ELMO2: variants seen among roughly 807,000 people sequenced by gnomAD.
ELMO2 encodes the protein engulfment and cell motility 2.
Under a neutral mutation model 96.2 loss-of-function variants are expected in ELMO2, and 37 were observed. The ratio of observed to expected loss-of-function variants is 0.38; its 90% confidence interval spans 0.30 to 0.51. The LOEUF (loss-of-function observed/expected upper bound fraction) is 0.51, where lower values mean the gene tolerates loss of function less well. Among genes scored for constraint, ELMO2 ranks in the 20% least tolerant of loss-of-function variants. The pLI, the probability that ELMO2 is intolerant of heterozygous loss-of-function variation, is 0.88. For synonymous variants in ELMO2, 315 were observed against 329.4 expected (o/e 0.96, Z 0.47); for missense variants, 561 against 912.6 (o/e 0.61, Z 4.96).
At chr20:46,393,785 C>T (rs987905207) in intron 4 of ELMO2, among the ~76,000 whole-genome samples, 184 bp from the exon 5 acceptor site, 1 of 152,146 alleles carries the variant, frequency 6.6e-6, no homozygotes, top group African/African-American at 2.4e-5. Flanking sequence ...ATGAGCACCA[C>T]AATAGGAGGT....
rs1057105473 is a variant in ELMO2, at chr20:46,375,360, T to C, written c.941A>G (p.Asp314Gly). The C allele has an allele frequency of 1.9e-6, 3 of 1,613,974 alleles. No individual in the cohort carries two copies. The African/African-American group carries it at 4.0e-5, about 22-fold the overall frequency. Residue 314 changes from aspartate to glycine, a missense_variant, in exon 13 of 22, where the codon GAC becomes GGC. Asp to Gly is a moderately conservative substitution (Grantham distance 94). Transcript: ENST00000290246. The surrounding 1 kb of genome is among the most constrained non-coding windows in gnomAD (Gnocchi z 4.6). ...AATCCTCCTCAGTTCAAATATGATGTCCCTTTGAGCCTGCGAGGTGAAACA... is the reference window on the plus strand; with the variant it reads ...AATCCTCCTCAGTTCAAATATGATGCCCCTTTGAGCCTGCGAGGTGAAACA... ...KMDPNDQAQR[D>G]IIFELRRIAF...
chr20:46,368,835 CA>C lies in ELMO2; in HGVS notation c.1962+55del, dbSNP rs1326887019. ...TTCCTGTTTTGCTCATTCCTGCCAC[CA>C]ACTGAAGAGTTACAGAAATAGCTCT... is the stretch of plus-strand genomic sequence containing the variant. On this transcript the variant is annotated intron_variant, in intron 21 of 21. Transcript: ENST00000290246. 25 of 1,594,096 alleles carry C rather than the reference CA, an allele frequency of 1.6e-5. No individual in the cohort carries two copies. In the Admixed American group the frequency reaches 4.0e-4, roughly 26 times the overall value.
chr20:46,387,230 A>G, intron 8 of ELMO2, 108 bp downstream of exon 8: 1 of 856,812 alleles, frequency 1.2e-6, no homozygotes, highest in Admixed American at 2.7e-5. Context: ...GGCCCCAGGG[A>G]ATATAAAGCT....
At chr20:46,370,157 T>C (rs998118198) in intron 20 of ELMO2, 2 of 552,948 alleles carry the variant, frequency 3.6e-6, no homozygotes, top group African/African-American at 3.8e-5. Flanking sequence ...TTATACACTA[T>C]ACGATGTACA....
intron 11 of ELMO2, 88 bp downstream of exon 11, chr20:46,380,165 C>A: frequency 8.7e-7 from 1 of 1,148,376 alleles, no homozygotes; most frequent in East Asian, 2.6e-5. Flanking sequence ...CCTCCTCACT[C>A]ATTAATAATT....
chr20:46,401,810 C>G (rs2145861030), intron 1 of ELMO2, among the ~76,000 whole-genome samples: 1 of 152,332 alleles, frequency 6.6e-6, no homozygotes, highest in African/African-American at 2.4e-5. Flanking sequence ...CTAAGATAAT[C>G]ACTCTTCTAT....
chr20:46,400,777 C>T (rs2060322669), intron 1 of ELMO2, among the ~76,000 whole-genome samples: 1 of 152,186 alleles, frequency 6.6e-6, no homozygotes, highest in African/African-American at 2.4e-5. Context: ...TTAGTGTCTC[C>T]AATGGAGCAG....
chr20:46,372,055 C>A (rs189560449), intron 16 of ELMO2, 86 bp from the exon 17 acceptor site: 2 of 1,561,680 alleles, frequency 1.3e-6, no homozygotes, highest in African/African-American at 2.7e-5. Context: ...CTCTTTCCTG[C>A]CCCAGGGTCT....
chr20:46,398,649 A>G (rs1333675748), intron 2 of ELMO2, 48 bp downstream of exon 2: 2 of 152,228 alleles, frequency 1.3e-5, no homozygotes, highest in African/African-American at 4.8e-5. Context: ...TCACTTCTAT[A>G]TCATTATTAT....
intron 11 of ELMO2, among the ~76,000 whole-genome samples, chr20:46,378,480 A>G (rs1444757414): frequency 6.6e-6 from 1 of 152,212 alleles, no homozygotes; most frequent in Non-Finnish European, 1.5e-5. Context: ...ACACATGCAG[A>G]AGAGGGTGAC....
chr20:46,383,324 TG>T lies in ELMO2; in HGVS notation c.756+91del. The T allele has an allele frequency of 5.3e-6, 7 of 1,329,584 alleles. No individual in the cohort carries two copies. In the South Asian group the frequency reaches 8.2e-5, roughly 16 times the overall value. 82.4% of individuals were successfully genotyped at this position (1,329,584 alleles called of 1,614,324 possible). A position where few individuals can be genotyped will look rare whatever the true frequency, so the allele number is the denominator to read the frequency against. Reference sequence around the variant, plus strand: ...GAGGAAGAACTCTTGGGAAAATTGCTGGATTTGTGCTCTCTGCATAGCAAAG... The same window carrying T: ...GAGGAAGAACTCTTGGGAAAATTGCTGATTTGTGCTCTCTGCATAGCAAAG... On this transcript the variant is annotated intron_variant, in intron 10 of 21. Transcript: ENST00000290246.
intron 15 of ELMO2, 95 bp downstream of exon 15, chr20:46,374,237 C>T (rs1008924458): frequency 3.1e-5 from 31 of 1,015,398 alleles, no homozygotes; most frequent in South Asian, 1.1e-4. Flanking sequence ...CCACCACGCC[C>T]GACCCCACTG....
At chr20:46,369,176 C>T (rs2059644095) in intron 20 of ELMO2, 7 of 512,846 alleles carry the variant, frequency 1.4e-5, no homozygotes, top group Non-Finnish European at 2.4e-5. Context: ...GCCCAAGTCA[C>T]ATCAAAGATG....
At chr20:46,376,580 C>T (rs754244297) in intron 11 of ELMO2, 285 of 1,263,494 alleles carry the variant, frequency 2.3e-4, no homozygotes, top group Non-Finnish European at 2.8e-4. Flanking sequence ...ATGTCTCCCT[C>T]GGTCTGTCCT....
Position 46,386,326 on chromosome 20 carries a change from T to C in ELMO2, c.526-51A>G, listed in dbSNP as rs375411685. 1.4e-5 allele frequency: 22 copies of C among 1,599,100 alleles called. No individual in the cohort carries two copies. The South Asian group carries it at 2.2e-4, about 16-fold the overall frequency. ...TGAGAAGCTCAGGGCCCAAGAAAGATAGAAGCTTAGCATCTGATGCTAGCC... is the reference window on the plus strand; with the variant it reads ...TGAGAAGCTCAGGGCCCAAGAAAGACAGAAGCTTAGCATCTGATGCTAGCC... On this transcript the variant is annotated intron_variant, in intron 8 of 21. Coordinates refer to ENST00000290246, the MANE Select transcript of ELMO2 (RefSeq NM_133171.5).
chr20:46,371,773 TC>T lies in ELMO2; in HGVS notation c.1580+32del. ...AAGGAAAGCAGAGCTGGCAGCCACC[TC>T]CCCCGCCAGCCTCCCCTGAGATGGA... On this transcript the variant is annotated intron_variant, in intron 17 of 21. Coordinates refer to ENST00000290246, the MANE Select transcript of ELMO2 (RefSeq NM_133171.5). The surrounding 1 kb of genome is among the most constrained non-coding windows in gnomAD (Gnocchi z 5.9). 6.2e-7 allele frequency: 1 copy of T among 1,613,528 alleles called. No individual in the cohort carries two copies. Among genetic ancestry groups the T allele is most frequent in the Non-Finnish European group, 8.5e-7 (1 of 1,179,664 alleles).
At chr20:46,367,589 A>G (rs754817187) in intron 21 of ELMO2, 29 bp from the exon 22 acceptor site, 3 of 1,568,610 alleles carry the variant, frequency 1.9e-6, no homozygotes, top group East Asian at 2.3e-5. Flanking sequence ...AAAATGTCAC[A>G]TCGTGACCCC....
chr20:46,404,500 A>G (rs953381712), intron 1 of ELMO2, among the ~76,000 whole-genome samples: 1 of 151,956 alleles, frequency 6.6e-6, no homozygotes, highest in Non-Finnish European at 1.5e-5. Flanking sequence ...CCACTTACAA[A>G]CTCTAGAATT....
Position 46,394,540 on chromosome 20 carries a change from G to A in ELMO2, c.-50-8C>T. 1 of 1,547,508 alleles carries A rather than the reference G, an allele frequency of 6.5e-7. No homozygotes were observed. The highest frequency in any genetic ancestry group is 8.9e-7 in the Non-Finnish European group (1 of 1,119,596). On this transcript the variant is annotated splice_polypyrimidine_tract_variant and splice_region_variant and intron_variant, in intron 2 of 21. Coordinates refer to ENST00000290246, the MANE Select transcript of ELMO2 (RefSeq NM_133171.5). ...AAACACAGACACGGCTGCCTGGGGA[G>A]AAAGAATCAGAAAGGTGGAAAAAGA...
Sources: gnomAD v4.1 joint callset for allele counts (sites outside exome capture counted in the v4.1 genomes callset) on GRCh38, gnomAD v4.1.1 for gene constraint, Gnocchi (gnomAD v3.1) non-coding constraint, MANE v1.5 for transcripts, NCBI Gene and HGNC (gene_info 2026-07-23, HGNC 2026-07-21) for gene names.